Variants in ACSL4 observed in about 807,000 individuals in gnomAD.
ACSL4 encodes the protein acyl-CoA synthetase long chain family member 4, also known as long-chain-fatty-acid--CoA ligase 4.
In ACSL4, 9 loss-of-function variants were observed where a neutral mutation model predicts 49.1. The observed-to-expected ratio is 0.18, with a 90% CI of 0.11 to 0.32. The LOEUF (loss-of-function observed/expected upper bound fraction) is 0.32. ACSL4 is among the 10% of genes least tolerant of loss of function. The pLI, the probability that ACSL4 is intolerant of heterozygous loss-of-function variation, is 1.00. For missense variants in ACSL4, 333 were observed against 493.7 expected, an observed-to-expected ratio of 0.67 and a Z score of 3.08; for synonymous variants, 191 against 170.3, an observed-to-expected ratio of 1.12 and a Z score of -0.95.
intron 15 of ACSL4, among the ~76,000 whole-genome samples, chrX:109,646,388 T>C (rs982665858): frequency 5.4e-4 from 60 of 111,292 alleles, no homozygotes; most frequent in Non-Finnish European, 5.8e-4. Flanking sequence ...AAGAAAAGAA[T>C]TTTCAACCCA....
chrX:109,706,537 A>T (rs1309776990), intron 1 of ACSL4, among the ~76,000 whole-genome samples: 1 of 112,543 alleles, frequency 8.9e-6, no homozygotes, highest in African/African-American at 3.2e-5. Context: ...CAAAGTCATA[A>T]AAATCAACTG....
intron 1 of ACSL4, among the ~76,000 whole-genome samples, chrX:109,718,846 T>C (rs189445441): frequency 1.8e-5 from 2 of 111,911 alleles, no homozygotes; most frequent in Non-Finnish European, 3.8e-5. Context: ...TCTCAGATTA[T>C]TGGTTTTTAA....
rs769009760 is a variant in ACSL4, at chrX:109,716,168, A to G, written c.-66+16971T>C. ...CTGCCTTTGTGGAGCTTACTGTTCA[A>G]TTGATATTTTAAGTGGACAGAAGAC... On this transcript the variant is annotated intron_variant, in intron 1 of 15. Transcript: ENST00000672401. Among the ~76,000 whole-genome samples the G allele has an allele frequency of 2.7e-5, 3 of 111,918 alleles. No individual in the cohort carries two copies. The East Asian group carries it at 8.4e-4, about 31-fold the overall frequency.
At chrX:109,732,221 T>A (rs762578780) in intron 1 of ACSL4, among the ~76,000 whole-genome samples, 2 of 112,305 alleles carry the variant, frequency 1.8e-5, no homozygotes, top group South Asian at 3.7e-4. Context: ...CTCACTGTTG[T>A]TTCTCAGAGC....
intron 9 of ACSL4, among the ~76,000 whole-genome samples, chrX:109,671,836 G>T (rs1261667303): frequency 9.0e-6 from 1 of 110,785 alleles, no homozygotes; most frequent in African/African-American, 3.3e-5. Context: ...TGGATTAAGG[G>T]TGGTGCAAGA....
chrX:109,685,088 CTT>C lies in ACSL4; in HGVS notation c.-12-1715_-12-1714del, dbSNP rs1203140186. ...AAGAATAGTAATATTTCTTTTCTTT[CTT>C]TTTTTTTTTTTTTTTTTTTTGAGAC... is the stretch of plus-strand genomic sequence containing the variant. On this transcript the variant is annotated intron_variant, in intron 2 of 15. Coordinates refer to ENST00000672401, the MANE Select transcript of ACSL4 (RefSeq NM_001318510.2). Among the ~76,000 whole-genome samples, 473 of 77,402 alleles carry C rather than the reference CTT, an allele frequency of 6.1e-3. 3 individuals carry two copies. The highest frequency in any genetic ancestry group is 0.021 in the African/African-American group (435 of 21,186). The allele number at this position is 77,402 out of a possible 115,157, so 67.2% of individuals were successfully genotyped here. A position where few individuals can be genotyped will look rare whatever the true frequency, so the allele number is the denominator to read the frequency against.
chrX:109,645,334 C>T (rs1054097995), intron 15 of ACSL4, among the ~76,000 whole-genome samples: 1 of 112,456 alleles, frequency 8.9e-6, no homozygotes, highest in African/African-American at 3.2e-5. Context: ...TGAGAATGGG[C>T]AGACTGCCTC....
chrX:109,672,840 A>G lies in ACSL4; in HGVS notation c.1002+1562T>C, dbSNP rs189106894. ...GACCTGGTTACAACCAACGGGAAGG[A>G]GACTATCCAACAGGGTCTCCTGACA... is the stretch of plus-strand genomic sequence containing the variant. On this transcript the variant is annotated intron_variant, in intron 9 of 15. Coordinates refer to ENST00000672401, the MANE Select transcript of ACSL4 (RefSeq NM_001318510.2). Among the ~76,000 whole-genome samples, 712 of 110,676 alleles carry G rather than the reference A, an allele frequency of 6.4e-3. 4 individuals carry two copies. The highest frequency in any genetic ancestry group is 0.011 in the Non-Finnish European group (582 of 52,935).
chrX:109,703,945 A>T (rs1331506811), intron 1 of ACSL4, among the ~76,000 whole-genome samples: 1 of 110,974 alleles, frequency 9.0e-6, no homozygotes. Flanking sequence ...ACTATGTCTG[A>T]ATTTCTTAGA....
At chrX:109,717,794 G>A (rs1311709308) in intron 1 of ACSL4, among the ~76,000 whole-genome samples, 3 of 111,847 alleles carry the variant, frequency 2.7e-5, no homozygotes, top group African/African-American at 6.5e-5. Context: ...CTTTGAATGC[G>A]AGGACATTTT....
At chrX:109,672,345 T>C (rs1175646226) in intron 9 of ACSL4, among the ~76,000 whole-genome samples, 5 of 110,702 alleles carry the variant, frequency 4.5e-5, no homozygotes, top group Admixed American at 3.9e-4. Context: ...GTGAGAACCA[T>C]GTCTACTGCT....
chrX:109,646,055 T>G (rs1405687159), intron 15 of ACSL4, among the ~76,000 whole-genome samples: 1 of 112,002 alleles, frequency 8.9e-6, no homozygotes, highest in Non-Finnish European at 1.9e-5. Flanking sequence ...TTGGTGTACC[T>G]GAAAGTGATG....
chrX:109,712,827 G>A (rs1339967536), intron 1 of ACSL4, among the ~76,000 whole-genome samples: 1 of 111,142 alleles, frequency 9.0e-6, no homozygotes, highest in African/African-American at 3.3e-5. Context: ...TTTGCAGGCC[G>A]TGGTGGCACA....
intron 9 of ACSL4, among the ~76,000 whole-genome samples, chrX:109,672,079 T>TAAAAAAAAAAAAA (rs764711316): frequency 1.1e-4 from 4 of 37,381 alleles, no homozygotes; most frequent in Non-Finnish European, 1.4e-4. Flanking sequence ...CAATAAATAC[T>TAAAAAAAAAAAAA]AAAAAAAAAA....
intron 1 of ACSL4, among the ~76,000 whole-genome samples, chrX:109,697,788 G>A: frequency 9.5e-6 from 1 of 104,782 alleles, no homozygotes; most frequent in Non-Finnish European, 1.9e-5. Flanking sequence ...TGCTGGAGAA[G>A]AAAATCTTCA....
At chrX:109,732,962 G>A (rs1024657370) in intron 1 of ACSL4, 177 bp downstream of exon 1, 7 of 322,091 alleles carry the variant, frequency 2.2e-5, no homozygotes, top group African/African-American at 1.6e-4. Context: ...CAGCGGAGGC[G>A]AGCGGATAGA....
intron 2 of ACSL4, among the ~76,000 whole-genome samples, chrX:109,692,747 C>T (rs1190278687): frequency 3.6e-5 from 4 of 111,656 alleles, no homozygotes; most frequent in Admixed American, 2.9e-4. Flanking sequence ...ACAAAGTCTT[C>T]GATTTACTGG....
rs529468982 is a variant in ACSL4 at position 109,671,424 on chromosome X, C to T, written c.1003-2251G>A. Among the ~76,000 whole-genome samples, 14 of 110,143 alleles carry T rather than the reference C, an allele frequency of 1.3e-4. No homozygotes were observed. The South Asian group carries it at 5.1e-3, about 40-fold the overall frequency. On this transcript the variant is annotated intron_variant, in intron 9 of 15. Transcript: ENST00000672401. ...CGCCCGGGAGCTGGGGGGCAGCCCC[C>T]GCCTGGCCAGCCACCCCATCCGGGA...
rs762699054 is a variant in ACSL4, at chrX:109,733,143, G to A, written c.-70C>T. On this transcript the variant is annotated 5_prime_UTR_variant, in exon 1 of 16. Coordinates refer to ENST00000672401, the MANE Select transcript of ACSL4 (RefSeq NM_001318510.2). ...TCCCCATCCAGGGATACTCACCGGA[G>A]GGGCGGCCCACCGCGTCTTCGCAGC... The A allele has an allele frequency of 1.8e-4, 60 of 326,642 alleles. No homozygotes were observed. The highest frequency in any genetic ancestry group is 6.9e-4 in the African/African-American group (26 of 37,791). 26.9% of individuals were successfully genotyped at this position (326,642 alleles called of 1,213,427 possible). A position where few individuals can be genotyped will look rare whatever the true frequency, so the allele number is the denominator to read the frequency against.
Sources: gnomAD v4.1 joint callset for allele counts (sites outside exome capture counted in the v4.1 genomes callset) on GRCh38, gnomAD v4.1.1 for gene constraint, MANE v1.5 for transcripts, NCBI Gene and HGNC (gene_info 2026-07-23, HGNC 2026-07-21) for gene names.